The following PHACTR1 variants were observed in gnomAD, a reference collection of about 807,000 sequenced individuals.
PHACTR1 encodes phosphatase and actin regulator 1.
PHACTR1 carries 16 observed loss-of-function variants against 69.2 expected under a neutral mutation model. The ratio of observed to expected loss-of-function variants is 0.23; its 90% CI spans 0.16 to 0.35. The LOEUF is 0.35. Among genes scored for constraint, PHACTR1 ranks in the 10% least tolerant of loss-of-function variants. The probability of loss-of-function intolerance (pLI) is 1.00; values close to 1 mark genes in which losing one functional copy is unlikely to be tolerated. For missense variants in PHACTR1, 510 were observed against 734.7 expected, an observed-to-expected ratio of 0.69 and a Z score of 3.54; for synonymous variants, 312 against 284.5, an observed-to-expected ratio of 1.10 and a Z score of -0.97.
intron 4 of PHACTR1, among the ~76,000 whole-genome samples, chr6:12,806,248 A>G (rs1774316936): frequency 6.6e-6 from 1 of 152,056 alleles, no homozygotes; most frequent in Admixed American, 6.6e-5. Context: ...AAATATATTT[A>G]TTTTCCCTCT....
intron 4 of PHACTR1, among the ~76,000 whole-genome samples, chr6:12,894,945 C>T (rs1002064244): frequency 1.8e-4 from 28 of 152,108 alleles, no homozygotes; most frequent in African/African-American, 6.8e-4. Flanking sequence ...TTTAAACCTT[C>T]TCTTTAAAAC....
chr6:12,963,931 T>C (rs998741507), intron 4 of PHACTR1, among the ~76,000 whole-genome samples: 3 of 152,180 alleles, frequency 2.0e-5, no homozygotes, highest in African/African-American at 4.8e-5. Flanking sequence ...AGGCTGAAAA[T>C]GTTTAGGACA....
chr6:13,166,819 G>A (rs1199086172), intron 6 of PHACTR1, among the ~76,000 whole-genome samples: 1 of 152,130 alleles, frequency 6.6e-6, no homozygotes, highest in Non-Finnish European at 1.5e-5. Context: ...CAGTCCCATA[G>A]TCAGCCCTGT....
rs193272111 is a variant in PHACTR1 at position 12,754,834 on chromosome 6, C to T, written c.250+5044C>T. 5.9e-5 allele frequency among the ~76,000 whole-genome samples: 9 copies of T among 152,294 alleles called. 1 individual carries two copies. The highest frequency in any genetic ancestry group is 3.3e-4 in the Admixed American group (5 of 15,286). ...ATAACAACTATTTACGTAGCATTTA[C>T]ACTGTATTAGGTATTATAAGTAATC... On this transcript the variant is annotated intron_variant, in intron 4 of 14. Transcript: ENST00000332995.
chr6:13,031,854 C>A (rs1308590226), intron 4 of PHACTR1, among the ~76,000 whole-genome samples: 1 of 152,194 alleles, frequency 6.6e-6, no homozygotes, highest in Non-Finnish European at 1.5e-5. Context: ...TCAAAGTTTG[C>A]ATTTCTTACT....
chr6:13,256,971 T>A (rs1208731901), intron 10 of PHACTR1, among the ~76,000 whole-genome samples: 1 of 152,218 alleles, frequency 6.6e-6, no homozygotes. Flanking sequence ...TACTCCTCAG[T>A]TTCAAATTTC....
intron 8 of PHACTR1, among the ~76,000 whole-genome samples, chr6:13,215,243 C>T (rs1166791384): frequency 2.6e-5 from 4 of 152,226 alleles, no homozygotes; most frequent in African/African-American, 9.6e-5. Flanking sequence ...AGATAACCCT[C>T]AGTGCAGGTT....
intron 6 of PHACTR1, 67 bp from the exon 7 acceptor site, chr6:13,182,452 G>A: frequency 6.5e-7 from 1 of 1,539,884 alleles, no homozygotes; most frequent in South Asian, 1.1e-5. Context: ...TCAGCAGGCG[G>A]GAAGTGCCAC....
rs771886385 is a variant in PHACTR1, at chr6:13,030,183, G to A, written c.251-23182G>A. ...CTTCTTTATTTTCATTGTATTAAACGCATTCACACTGAATTCATGCTTGTG... is the reference window on the plus strand; with the variant it reads ...CTTCTTTATTTTCATTGTATTAAACACATTCACACTGAATTCATGCTTGTG... On this transcript the variant is annotated intron_variant, in intron 4 of 14. Coordinates refer to ENST00000332995, the MANE Select transcript of PHACTR1 (RefSeq NM_030948.6). Among the ~76,000 whole-genome samples, 6 of 151,988 alleles carry A rather than the reference G, an allele frequency of 3.9e-5. No homozygotes were observed. In the East Asian group the frequency reaches 5.8e-4, roughly 15 times the overall value.
At chr6:12,957,297 C>A in intron 4 of PHACTR1, 244 of 582,706 alleles carry the variant, frequency 4.2e-4, no homozygotes, top group Middle Eastern at 9.0e-4. Flanking sequence ...GAGTTCCAGA[C>A]TTCCAAGCTG....
chr6:13,049,900 G>C (rs1192458740), intron 4 of PHACTR1, among the ~76,000 whole-genome samples: 1 of 152,174 alleles, frequency 6.6e-6, no homozygotes, highest in Non-Finnish European at 1.5e-5. Flanking sequence ...TCCAATACAG[G>C]TTTGAAGGCA....
At chr6:13,033,095 C>T (rs1156301539) in intron 4 of PHACTR1, among the ~76,000 whole-genome samples, 1 of 152,134 alleles carries the variant, frequency 6.6e-6, no homozygotes, top group Non-Finnish European at 1.5e-5. Context: ...AGGCATTCAT[C>T]CTAACTTGCA....
In PHACTR1 at chr6:13,287,083, C is replaced by T. The variant is rs114265092; in HGVS notation, c.*5C>T. 996 of 1,605,068 alleles carry T rather than the reference C, an allele frequency of 6.2e-4. 10 individuals carry two copies. The African/African-American group carries it at 0.011, about 18-fold the overall frequency. On this transcript the variant is annotated 3_prime_UTR_variant, in exon 15 of 15. Coordinates refer to ENST00000332995, the MANE Select transcript of PHACTR1 (RefSeq NM_030948.6). ...CTTAGGTTTCACCGACCTTAACAGT[C>T]GAATTCCTCTTGAGTGCTATGCTGT...
intron 10 of PHACTR1, among the ~76,000 whole-genome samples, chr6:13,244,177 CA>C (rs1489242789): frequency 6.6e-6 from 1 of 152,062 alleles, no homozygotes; most frequent in Non-Finnish European, 1.5e-5. Flanking sequence ...CCACAAGCCA[CA>C]AAAACCAGCA....
chr6:13,263,343 G>GAAA lies in PHACTR1; in HGVS notation c.1392-9506_1392-9504dup, dbSNP rs71552741. 6.7e-4 allele frequency among the ~76,000 whole-genome samples: 84 copies of GAAA among 126,190 alleles called. 1 individual carries two copies. Among genetic ancestry groups the GAAA allele is most frequent in the Non-Finnish European group, 8.2e-4 (51 of 62,120 alleles). 82.8% of individuals were successfully genotyped at this position (126,190 alleles called of 152,430 possible). A position where few individuals can be genotyped will look rare whatever the true frequency, so the allele number is the denominator to read the frequency against. On this transcript the variant is annotated intron_variant, in intron 10 of 14. Transcript: ENST00000332995. ...CAGTAGAGACAGCATTGTTCAGACTGAAAAAAAAAAAAAGGCAAGATCCAT... is the reference window on the plus strand; with the variant it reads ...CAGTAGAGACAGCATTGTTCAGACTGAAAAAAAAAAAAAAAAGGCAAGATCCAT...
chr6:12,817,801 A>C (rs913063102), intron 4 of PHACTR1, among the ~76,000 whole-genome samples: 3 of 152,114 alleles, frequency 2.0e-5, no homozygotes, highest in Non-Finnish European at 2.9e-5. Flanking sequence ...CTACCAATTA[A>C]AGGTAAGCAC....
At chr6:13,189,493 G>C (rs1189967023) in intron 7 of PHACTR1, among the ~76,000 whole-genome samples, 1 of 150,694 alleles carries the variant, frequency 6.6e-6, no homozygotes, top group African/African-American at 2.4e-5. Context: ...CCACCTCCCA[G>C]GCACAAGTGA....
chr6:13,148,858 G>A (rs1181008002), intron 5 of PHACTR1, among the ~76,000 whole-genome samples: 1 of 152,182 alleles, frequency 6.6e-6, no homozygotes, highest in Admixed American at 6.5e-5. Context: ...TTTATTAGGG[G>A]AATGCACATG....
chr6:12,844,310 C>T (rs1778983876), intron 4 of PHACTR1, among the ~76,000 whole-genome samples: 1 of 151,974 alleles, frequency 6.6e-6, no homozygotes, highest in Non-Finnish European at 1.5e-5. Context: ...AGCAGGAGAA[C>T]CCCTTGAGCC....
Sources: gnomAD v4.1 joint callset for allele counts (sites outside exome capture counted in the v4.1 genomes callset) on GRCh38, gnomAD v4.1.1 for gene constraint, MANE v1.5 for transcripts, NCBI Gene and HGNC (gene_info 2026-07-23, HGNC 2026-07-21) for gene names.